Variants in SUMF1 observed in about 807,000 individuals in gnomAD.
SUMF1 encodes the protein formylglycine-generating enzyme.
Under a neutral mutation model 47.6 loss-of-function variants are expected in SUMF1, and 48 were observed. The observed-to-expected ratio is 1.01, with a 90% CI of 0.80 to 1.28. SUMF1 has a LOEUF of 1.28. Ranked by LOEUF, SUMF1 falls within the 50% of genes most tolerant of loss-of-function variation. SUMF1 has a pLI of 0.00. For missense variants in SUMF1, 571 were observed against 485.4 expected (o/e 1.18, Z -1.66); for synonymous variants, 230 against 192.1 (o/e 1.20, Z -1.63).
intron 8 of SUMF1, chr3:4,229,267 A>C (rs972914239): frequency 2.4e-5 from 8 of 335,306 alleles, no homozygotes; most frequent in Non-Finnish European, 4.1e-5. Context: ...CCGGACAATC[A>C]TCCTCCTTCA....
rs779146352 is a variant in SUMF1, at chr3:4,211,203, C to CATACATAT, written c.1015-142459_1015-142458insATATGTAT. ...ATATACATATACATATACATACATACATATATATATATATATATATATATC... is the reference window on the plus strand; with the variant it reads ...ATATACATATACATATACATACATACATACATATATATATATATATATATATATATATC... On this transcript the variant is annotated intron_variant and NMD_transcript_variant, in intron 8 of 12. Transcript: ENST00000448413. 7.5e-4 allele frequency among the ~76,000 whole-genome samples: 74 copies of CATACATAT among 98,180 alleles called. 4 individuals carry two copies. The highest frequency in any genetic ancestry group is 2.8e-3 in the African/African-American group (73 of 25,654). The allele number at this position is 98,180 out of a possible 152,430, so 64.4% of individuals were successfully genotyped here.
chr3:4,121,829 A>C (rs963990516), intron 8 of SUMF1, among the ~76,000 whole-genome samples: 4 of 152,018 alleles, frequency 2.6e-5, no homozygotes, highest in African/African-American at 9.7e-5. Context: ...ATTAAGCCTA[A>C]TGCCCATTAG....
intron 8 of SUMF1, among the ~76,000 whole-genome samples, chr3:4,196,190 G>A (rs954403464): frequency 9.2e-5 from 14 of 152,084 alleles, no homozygotes; most frequent in Admixed American, 2.6e-4. Flanking sequence ...GTTAGCTCCA[G>A]AGCCTCTGAA....
chr3:4,288,403 G>T (rs564047762), intron 8 of SUMF1, among the ~76,000 whole-genome samples: 1 of 152,184 alleles, frequency 6.6e-6, no homozygotes, highest in East Asian at 1.9e-4. Flanking sequence ...TTGGATAGAT[G>T]TAAAAGCATT....
chr3:4,362,270 G>A lies in SUMF1; in HGVS notation c.1015-16C>T, dbSNP rs1699790209. The A allele has an allele frequency of 6.2e-7, 1 of 1,610,326 alleles. No individual in the cohort carries two copies. The highest frequency in any genetic ancestry group is 1.1e-5 in the South Asian group (1 of 90,990). On this transcript the variant is annotated splice_polypyrimidine_tract_variant and intron_variant, in intron 8 of 8. Transcript: ENST00000272902. ...AACAATAAGACTGTGTAGAGAGAAA[G>A]AGCAAGGTAAGTGCTACTGGGACTC...
chr3:4,242,764 G>A (rs376493372), intron 8 of SUMF1, among the ~76,000 whole-genome samples: 10 of 152,218 alleles, frequency 6.6e-5, no homozygotes, highest in African/African-American at 2.2e-4. Flanking sequence ...CCAGGCTTTG[G>A]GATCAGGATG....
intron 8 of SUMF1, among the ~76,000 whole-genome samples, chr3:4,149,563 G>A (rs992956306): frequency 1.3e-5 from 2 of 152,060 alleles, no homozygotes; most frequent in Admixed American, 6.6e-5. Context: ...TTTGAACCAC[G>A]TCATTAGGAA....
In SUMF1 at chr3:4,093,591, T is replaced by C. The variant is rs930661480; in HGVS notation, c.1015-24846A>G. Among the ~76,000 whole-genome samples the C allele has an allele frequency of 5.3e-5, 8 of 152,180 alleles. 1 individual carries two copies. The highest frequency in any genetic ancestry group is 5.2e-4 in the Admixed American group (8 of 15,278). The stretch of plus-strand genomic sequence containing the variant: ...AAAGTTTTCTAGATAGAATATTACA[T>C]GCAAAGATACAGATATTTAAGAAAC... On this transcript the variant is annotated intron_variant and NMD_transcript_variant, in intron 8 of 12. Coordinates refer to the SUMF1 transcript ENST00000448413.
At chr3:4,341,864 C>G (rs1378055624) in intron 8 of SUMF1, among the ~76,000 whole-genome samples, 2 of 152,138 alleles carry the variant, frequency 1.3e-5, no homozygotes, top group African/African-American at 4.8e-5. Flanking sequence ...TGTTTTTTAA[C>G]TAAGAAGTCA....
At chr3:4,357,577 TTTTATTTATTTATTTATTTA>T (rs58387595), downstream of SUMF1, among the ~76,000 whole-genome samples, 15 of 138,790 alleles carry the variant, frequency 1.1e-4, 2 homozygotes, top group Non-Finnish European at 1.1e-4. Flanking sequence ...CCCAACCAAC[TTTTATTTATTTATTTATTTA>T]TTTATTTATT....
Position 4,210,382 on chromosome 3 carries a change from T to C in SUMF1, c.1015-141637A>G, listed in dbSNP as rs545383396. 3.2e-4 allele frequency among the ~76,000 whole-genome samples: 48 copies of C among 152,206 alleles called. 2 individuals carry two copies. The highest frequency in any genetic ancestry group is 1.8e-3 in the Admixed American group (28 of 15,280). ...ACTTGAGGATTTACACAACCAAATG[T>C]TAATACTTAGAAAAAAGCTACAATA... On this transcript the variant is annotated intron_variant and NMD_transcript_variant, in intron 8 of 12. Coordinates refer to the SUMF1 transcript ENST00000448413.
In SUMF1 at chr3:4,420,208, C is replaced by T. The variant is rs1416427318; in HGVS notation, c.520-62G>A. 2.3e-6 allele frequency: 3 copies of T among 1,327,434 alleles called. No individual in the cohort carries two copies. In the African/African-American group the frequency reaches 4.3e-5, roughly 19 times the overall value. The allele number at this position is 1,327,434 out of a possible 1,614,324, so 82.2% of individuals were successfully genotyped here. A position where few individuals can be genotyped will look rare whatever the true frequency, so the allele number is the denominator to read the frequency against. On this transcript the variant is annotated intron_variant, in intron 3 of 8. Transcript: ENST00000272902. ...AACATCAACTCTAGAAAAATATCAA[C>T]TCAGTACATGCAGCAAAAATCTCAA...
chr3:4,420,964 C>A (rs1176122873), intron 3 of SUMF1, among the ~76,000 whole-genome samples: 1 of 152,182 alleles, frequency 6.6e-6, no homozygotes, highest in African/African-American at 2.4e-5. Flanking sequence ...CTGGACCCTC[C>A]TAGTCCTTGT....
At chr3:4,438,285 A>C (rs1285266272) in intron 3 of SUMF1, among the ~76,000 whole-genome samples, 1 of 151,812 alleles carries the variant, frequency 6.6e-6, no homozygotes, top group Non-Finnish European at 1.5e-5. Flanking sequence ...GATGCACCTC[A>C]TTAATGACAA....
intron 8 of SUMF1, among the ~76,000 whole-genome samples, chr3:4,334,411 G>GT (rs1477921623): frequency 2.6e-5 from 4 of 152,170 alleles, no homozygotes; most frequent in Non-Finnish European, 4.4e-5. Context: ...GTGGCAAGCA[G>GT]TTTTTTACAA....
intron 8 of SUMF1, among the ~76,000 whole-genome samples, chr3:4,078,693 G>C (rs1447805792): frequency 6.6e-6 from 1 of 151,644 alleles, no homozygotes; most frequent in Non-Finnish European, 1.5e-5. Flanking sequence ...AAGAGTTCAA[G>C]TCCAAGAATT....
At chr3:4,160,835 A>C (rs1433463998) in intron 8 of SUMF1, among the ~76,000 whole-genome samples, 1 of 151,918 alleles carries the variant, frequency 6.6e-6, no homozygotes, top group East Asian at 1.9e-4. Flanking sequence ...TCTCTTATTT[A>C]GTTTGTTTGG....
intron 8 of SUMF1, among the ~76,000 whole-genome samples, chr3:4,226,550 G>A (rs376206606): frequency 2.2e-4 from 34 of 152,134 alleles, no homozygotes; most frequent in African/African-American, 8.2e-4. Flanking sequence ...TTACAAGCAT[G>A]AGCCACTGTG....
intron 8 of SUMF1, among the ~76,000 whole-genome samples, chr3:4,211,203 C>CATACATATATATATAT (rs779146352): frequency 4.1e-5 from 4 of 98,160 alleles, no homozygotes; most frequent in African/African-American, 1.6e-4. Context: ...TACATACATA[C>CATACATATATATATAT]ATATATATAT....
Sources: gnomAD v4.1 joint callset for allele counts (sites outside exome capture counted in the v4.1 genomes callset) on GRCh38, gnomAD v4.1.1 for gene constraint, MANE v1.5 for transcripts, NCBI Gene and HGNC (gene_info 2026-07-23, HGNC 2026-07-21) for gene names.